The following GALNT15 variants were observed in gnomAD, a reference collection of about 807,000 sequenced individuals.
GALNT15 encodes UDP-GalNAc transferase T15.
In GALNT15, 67 loss-of-function variants were observed where a neutral mutation model predicts 66.8. The observed-to-expected ratio is 1.00, with a 90% CI of 0.82 to 1.23. The LOEUF (loss-of-function observed/expected upper bound fraction) is 1.23, where lower values mean the gene tolerates loss of function less well. Among genes scored for constraint, GALNT15 ranks in the 50% most tolerant of loss-of-function variants. The pLI is 0.00. For synonymous variants in GALNT15, 313 were observed against 311.5 expected (o/e 1.00, Z -0.05); for missense variants, 827 against 804.3 (o/e 1.03, Z -0.34).
the GALNT15 span, among the ~76,000 whole-genome samples, chr3:16,240,395 AT>A: frequency 6.6e-6 from 1 of 152,218 alleles, no homozygotes; most frequent in African/African-American, 2.4e-5. Flanking sequence ...GAATCAGAAA[AT>A]TGCAAAATAT....
chr3:16,239,178 G>A, the GALNT15 span, among the ~76,000 whole-genome samples: 1 of 152,112 alleles, frequency 6.6e-6, no homozygotes, highest in African/African-American at 2.4e-5. The surrounding 1 kb of genome is among the most constrained non-coding windows in gnomAD (Gnocchi z 5.2). Flanking sequence ...TTTCCCAGAA[G>A]CCCCCCAGCA....
Position 16,200,327 on chromosome 3 carries a change from A to G in GALNT15, c.707-292A>G, listed in dbSNP as rs993068653. Among the ~76,000 whole-genome samples, 1 of 152,156 alleles carries G rather than the reference A, an allele frequency of 6.6e-6. No individual in the cohort carries two copies. Among genetic ancestry groups the G allele is most frequent in the Admixed American group, 6.5e-5 (1 of 15,288 alleles). Reference sequence around the variant, plus strand: ...AAGAGCCAAACCATATCAGACACCAACAGTATCTGCTACATTCTTGCTGCT... The same window carrying G: ...AAGAGCCAAACCATATCAGACACCAGCAGTATCTGCTACATTCTTGCTGCT... On this transcript the variant is annotated intron_variant, in intron 2 of 9. Transcript: ENST00000339732. The surrounding 1 kb of genome is among the most constrained non-coding windows in gnomAD (Gnocchi z 4.4).
Position 16,209,240 on chromosome 3 carries a change from A to G in GALNT15, c.1079+570A>G, listed in dbSNP as rs2124883651. 6.6e-6 allele frequency among the ~76,000 whole-genome samples: 1 copy of G among 152,290 alleles called. No individual in the cohort carries two copies. The highest frequency in any genetic ancestry group is 2.1e-4 in the South Asian group (1 of 4,832). ...AATCACCTCAAACTTGGTGTAAAACACAGCCATTTTATTAAGCTCATGAAT... is the reference window on the plus strand; with the variant it reads ...AATCACCTCAAACTTGGTGTAAAACGCAGCCATTTTATTAAGCTCATGAAT... On this transcript the variant is annotated intron_variant, in intron 4 of 9. Coordinates refer to ENST00000339732, the MANE Select transcript of GALNT15 (RefSeq NM_054110.5). The surrounding 1 kb of genome is among the most constrained non-coding windows in gnomAD (Gnocchi z 4.1).
At chr3:16,226,327 G>A (rs1005896836) in intron 9 of GALNT15, among the ~76,000 whole-genome samples, 6 of 152,192 alleles carry the variant, frequency 3.9e-5, no homozygotes, top group Middle Eastern at 3.4e-3. Flanking sequence ...CTTTAAAGGG[G>A]TAGTATTATG....
Position 16,227,168 on chromosome 3 carries a change from T to G in GALNT15, c.1774-186T>G, listed in dbSNP as rs1164010908. Among the ~76,000 whole-genome samples, 1 of 152,192 alleles carries G rather than the reference T, an allele frequency of 6.6e-6. No homozygotes were observed. The highest frequency in any genetic ancestry group is 1.5e-5 in the Non-Finnish European group (1 of 68,036). ...GATTAGTTACCCCTAAGGTTTTGAG[T>G]GACATCCAAATTTTAGGGCTACCTA... On this transcript the variant is annotated intron_variant, in intron 9 of 9. Transcript: ENST00000339732. The surrounding 1 kb of genome is among the most constrained non-coding windows in gnomAD (Gnocchi z 4.5).
At chr3:16,194,129 C>A (rs935191228) in intron 1 of GALNT15, among the ~76,000 whole-genome samples, 6 of 152,182 alleles carry the variant, frequency 3.9e-5, no homozygotes, top group Non-Finnish European at 7.3e-5. Context: ...GCAATGTGAG[C>A]TTTGATGTCT....
rs1482642142 is a variant in GALNT15, at chr3:16,195,850, T to A, written c.630T>A (p.Thr210=). The part of the protein sequence containing the change: ...HDEAWSTLLR[T]VHSILDTVPR... ...AGGCCTGGTCCACTCTCCTGCGGAC[T>A]GTACACAGCATCCTCGACACAGTGC... Residue 210 remains threonine (T), a synonymous_variant, in exon 2 of 10, where the codon ACT becomes ACA. Coordinates refer to ENST00000339732, the MANE Select transcript of GALNT15 (RefSeq NM_054110.5). The surrounding 1 kb of genome is among the most constrained non-coding windows in gnomAD (Gnocchi z 4.6). The A allele has an allele frequency of 6.2e-7, 1 of 1,614,016 alleles. No homozygotes were observed. Among genetic ancestry groups the A allele is most frequent in the African/African-American group, 1.3e-5 (1 of 74,912 alleles).
At chr3:16,201,259 G>A (rs1289779279) in intron 3 of GALNT15, among the ~76,000 whole-genome samples, 4 of 151,930 alleles carry the variant, frequency 2.6e-5, no homozygotes, top group Non-Finnish European at 5.9e-5. Context: ...TCGGCTCACT[G>A]CAAGCTGCGC....
chr3:16,203,306 G>T lies in GALNT15; in HGVS notation c.911+2483G>T, dbSNP rs1173685193. Among the ~76,000 whole-genome samples the T allele has an allele frequency of 6.6e-6, 1 of 151,950 alleles. No individual in the cohort carries two copies. Among genetic ancestry groups the T allele is most frequent in the Non-Finnish European group, 1.5e-5 (1 of 67,996 alleles). Reference sequence around the variant, plus strand: ...CCTCGTATCTGCTTCTCACATCGGGGCCCCATTTCCCAGAGCTAGGTGAAG... The same window carrying T: ...CCTCGTATCTGCTTCTCACATCGGGTCCCCATTTCCCAGAGCTAGGTGAAG... On this transcript the variant is annotated intron_variant, in intron 3 of 9. Transcript: ENST00000339732. This position sits in a 1 kb window ranked among gnomAD's most constrained non-coding sequence, Gnocchi z 6.2.
Position 16,208,634 on chromosome 3 carries a change from T to G in GALNT15, c.1043T>G (p.Val348Gly). 1 of 1,614,160 alleles carries G rather than the reference T, an allele frequency of 6.2e-7. No individual in the cohort carries two copies. Among genetic ancestry groups the G allele is most frequent in the Non-Finnish European group, 8.5e-7 (1 of 1,180,022 alleles). The change falls in exon 4 of 10, where the codon GTG becomes GGG. Residue 348 changes from valine to glycine, a missense_variant. By Grantham distance (109) the Val-to-Gly change is moderately radical. Coordinates refer to ENST00000339732, the MANE Select transcript of GALNT15 (RefSeq NM_054110.5). ...CACTGGGAACCTTTGCCAGAGCATG[T>G]GAGGAAGGCCCTCCAGTCCCCCATA... ...DFHWEPLPEH[V>G]RKALQSPISP...
intron 6 of GALNT15, among the ~76,000 whole-genome samples, chr3:16,214,906 C>G (rs1023309874): frequency 1.3e-5 from 2 of 152,222 alleles, no homozygotes; most frequent in African/African-American, 4.8e-5. Flanking sequence ...GTCCACAGAG[C>G]TTCTCTGGTT....
At chr3:16,196,032 C>A in intron 2 of GALNT15, 106 bp downstream of exon 2, 1 of 1,131,604 alleles carries the variant, frequency 8.8e-7, no homozygotes. Context: ...GCAAGATTCC[C>A]CAACTACAGA....
At chr3:16,192,482 T>C (rs1162549292) in intron 1 of GALNT15, among the ~76,000 whole-genome samples, 1 of 152,062 alleles carries the variant, frequency 6.6e-6, no homozygotes. Flanking sequence ...TTTTTTTTCA[T>C]ACCCACTAAA....
chr3:16,243,925 G>A, the GALNT15 span: 6 of 821,344 alleles, frequency 7.3e-6, no homozygotes, highest in South Asian at 1.7e-4. Context: ...GTCTGATGTC[G>A]TGTTCTGTGA....
chr3:16,207,457 C>T (rs1016692039), intron 3 of GALNT15, among the ~76,000 whole-genome samples: 16 of 126,522 alleles, frequency 1.3e-4, no homozygotes, highest in African/African-American at 3.9e-4. Flanking sequence ...GTATATGACC[C>T]ATGTCAATTT....
In GALNT15 at chr3:16,175,328, G is replaced by A; in HGVS notation, c.177G>A (p.Leu59=). The A allele has an allele frequency of 1.2e-6, 2 of 1,614,194 alleles. No homozygotes were observed. The highest frequency in any genetic ancestry group is 1.7e-6 in the Non-Finnish European group (2 of 1,180,040). ...SKHSPEARYR[L]DFGESQDWVL... is the part of the protein sequence containing the mutation. ...ACAGCCCTGAAGCCAGGTACCGCCT[G>A]GACTTTGGGGAATCCCAGGATTGGG... The change falls in exon 1 of 10, where the codon CTG becomes CTA. Residue 59 remains leucine, a synonymous_variant. Coordinates refer to ENST00000339732, the MANE Select transcript of GALNT15 (RefSeq NM_054110.5). This position sits in a 1 kb window ranked among gnomAD's most constrained non-coding sequence, Gnocchi z 5.6.
rs374342216 is a variant in GALNT15, at chr3:16,195,862, C to T, written c.642C>T (p.Ile214=). ...WSTLLRTVHS[I]LDTVPRAFLK... ...CTCTCCTGCGGACTGTACACAGCAT[C>T]CTCGACACAGTGCCCAGGGCCTTCC... Residue 214 remains isoleucine, a synonymous_variant, in exon 2 of 10, where the codon ATC becomes ATT. Transcript: ENST00000339732. The surrounding 1 kb of genome is among the most constrained non-coding windows in gnomAD (Gnocchi z 4.6). The T allele has an allele frequency of 1.1e-5, 17 of 1,614,186 alleles. No individual in the cohort carries two copies. Among genetic ancestry groups the T allele is most frequent in the East Asian group, 2.2e-5 (1 of 44,886 alleles).
rs944355966 is a variant in GALNT15 at position 16,200,629 on chromosome 3, G to C, written c.717G>C (p.Lys239Asn). The C allele has an allele frequency of 1.9e-6, 3 of 1,559,618 alleles. No homozygotes were observed. The African/African-American group carries it at 4.1e-5, about 21-fold the overall frequency. The change falls in exon 3 of 10, where the codon AAG becomes AAC. Residue 239 changes from lysine (K) to asparagine (N), a missense_variant. Lys to Asn is a moderately conservative substitution (Grantham distance 94). Coordinates refer to ENST00000339732, the MANE Select transcript of GALNT15 (RefSeq NM_054110.5). This position sits in a 1 kb window ranked among gnomAD's most constrained non-coding sequence, Gnocchi z 4.4. ...CCCTGTTGATTCCAGGACAACTCAA[G>C]TCTGCTCTCAGCGAATATGTGGCCA... Reference protein sequence around the residue: ...VDDLSQQGQLKSALSEYVARL... With the variant: ...VDDLSQQGQLNSALSEYVARL...
rs376838836 is a variant in GALNT15, at chr3:16,211,220, A to T, written c.1176A>T (p.Glu392Asp). ...CTCTTATGTCGCTGCGAGGTGGTGA[A>T]AACCTCGAACTGTCTTTCAAGGTAT... Reference protein sequence around the residue: ...YDSLMSLRGGENLELSFKAWL... With the variant: ...YDSLMSLRGGDNLELSFKAWL... Residue 392 changes from glutamate to aspartate, a missense_variant, in exon 5 of 10, where the codon GAA becomes GAT. Physicochemically the swap from Glu to Asp is conservative, Grantham distance 45. Transcript: ENST00000339732. This position sits in a 1 kb window ranked among gnomAD's most constrained non-coding sequence, Gnocchi z 4.3. The T allele has an allele frequency of 6.2e-7, 1 of 1,611,982 alleles. No individual in the cohort carries two copies. The highest frequency in any genetic ancestry group is 1.3e-5 in the African/African-American group (1 of 74,888).
Sources: allele counts gnomAD v4.1 joint callset (sites outside exome capture counted in the v4.1 genomes callset), GRCh38; gene constraint gnomAD v4.1.1; non-coding constraint Gnocchi (gnomAD v3.1); transcripts MANE v1.5; gene names NCBI Gene and HGNC (gene_info 2026-07-23, HGNC 2026-07-21).